WWOX: variants seen among roughly 807,000 people sequenced by gnomAD.
The protein encoded by WWOX is WW domain-containing oxidoreductase.
In WWOX, 69 loss-of-function variants were observed where a neutral mutation model predicts 46.2. The ratio of observed to expected loss-of-function variants is 1.49; its 90% CI spans 1.23 to 1.82. WWOX has a LOEUF of 1.82. WWOX is among the 40% of genes most tolerant of loss of function. WWOX has a pLI of 0.00. For missense variants in WWOX, 919 were observed against 542.6 expected (o/e 1.69, Z -6.89); for synonymous variants, 359 against 202.6 (o/e 1.77, Z -6.56).
chr16:78,498,214 A>AAAAG (rs771142388), intron 8 of WWOX, among the ~76,000 whole-genome samples: 2 of 128,192 alleles, frequency 1.6e-5, no homozygotes, highest in Non-Finnish European at 3.2e-5. Context: ...CAAAAAAAAA[A>AAAAG]AAAAGAAAAA....
rs181333461 is a variant in WWOX, at chr16:79,067,030, C to T, written c.1057-144578C>T. ...CACAGTTAAGTGCTCTGTTGAAGGA[C>T]GGCTCTGGAAGGGAGCATCCGCGAA... On this transcript the variant is annotated intron_variant, in intron 8 of 8. Transcript: ENST00000566780. 2.9e-3 allele frequency among the ~76,000 whole-genome samples: 443 copies of T among 152,208 alleles called. 3 individuals are homozygous for T. Among genetic ancestry groups the T allele is most frequent in the Admixed American group, 0.016 (247 of 15,300 alleles).
At chr16:78,915,630 T>C (rs2045231298) in intron 8 of WWOX, among the ~76,000 whole-genome samples, 1 of 152,090 alleles carries the variant, frequency 6.6e-6, no homozygotes, top group African/African-American at 2.4e-5. Flanking sequence ...GTGTTATCAG[T>C]CATTGACTCA....
intron 8 of WWOX, among the ~76,000 whole-genome samples, chr16:79,135,724 T>C (rs2049970172): frequency 6.6e-6 from 1 of 152,196 alleles, no homozygotes; most frequent in South Asian, 2.1e-4. Context: ...TGATTTGGAG[T>C]ATTACCATTT....
intron 8 of WWOX, among the ~76,000 whole-genome samples, chr16:78,593,355 T>G (rs1357432443): frequency 6.6e-6 from 1 of 152,166 alleles, no homozygotes; most frequent in East Asian, 1.9e-4. Context: ...TACTGATATT[T>G]TATTGTCCTA....
intron 5 of WWOX, among the ~76,000 whole-genome samples, chr16:78,309,010 A>G (rs1250493582): frequency 6.6e-6 from 1 of 152,164 alleles, no homozygotes; most frequent in East Asian, 1.9e-4. Context: ...TGGTTTGGCT[A>G]CATCCCCACC....
intron 8 of WWOX, among the ~76,000 whole-genome samples, chr16:78,510,874 A>G (rs768109600): frequency 1.3e-5 from 2 of 152,202 alleles, no homozygotes; most frequent in African/African-American, 4.8e-5. Context: ...GACCTGTGCA[A>G]TGCACCTGCT....
At chr16:78,670,699 A>G (rs1055989401) in intron 8 of WWOX, among the ~76,000 whole-genome samples, 1 of 152,056 alleles carries the variant, frequency 6.6e-6, no homozygotes, top group African/African-American at 2.4e-5. Flanking sequence ...AAAAACAGAG[A>G]TAGAGTCTTG....
At chr16:78,444,944 TG>T (rs1435062378) in intron 8 of WWOX, among the ~76,000 whole-genome samples, 1 of 152,220 alleles carries the variant, frequency 6.6e-6, no homozygotes, top group Non-Finnish European at 1.5e-5. Flanking sequence ...TTGGAATGAC[TG>T]GCCTAGAAAA....
chr16:79,200,529 C>T (rs1453114362), intron 8 of WWOX, among the ~76,000 whole-genome samples: 2 of 152,302 alleles, frequency 1.3e-5, no homozygotes, highest in South Asian at 2.1e-4. Context: ...ACTACAATAA[C>T]ACCTGCCTGG....
intron 8 of WWOX, among the ~76,000 whole-genome samples, chr16:78,841,092 C>G (rs895861656): frequency 6.6e-6 from 1 of 152,108 alleles, no homozygotes; most frequent in African/African-American, 2.4e-5. Flanking sequence ...CCCAGACATT[C>G]ATTTCGGTAA....
intron 8 of WWOX, among the ~76,000 whole-genome samples, chr16:78,827,154 T>C (rs1348271770): frequency 6.6e-6 from 1 of 151,964 alleles, no homozygotes. Flanking sequence ...ATTTAGCTGT[T>C]CCCCCAACTG....
chr16:78,512,660 C>G (rs2151488441), intron 8 of WWOX, among the ~76,000 whole-genome samples: 1 of 152,220 alleles, frequency 6.6e-6, no homozygotes, highest in Non-Finnish European at 1.5e-5. Context: ...GGTGGGACTT[C>G]AATGAGACTC....
intron 8 of WWOX, among the ~76,000 whole-genome samples, chr16:78,653,364 A>C (rs1233090014): frequency 1.3e-5 from 2 of 152,336 alleles, no homozygotes; most frequent in East Asian, 3.9e-4. Flanking sequence ...CTTTTTGTAA[A>C]AGTAATCAGA....
chr16:78,736,335 C>T (rs2049091365), intron 8 of WWOX, among the ~76,000 whole-genome samples: 1 of 152,060 alleles, frequency 6.6e-6, no homozygotes, highest in South Asian at 2.1e-4. Context: ...GCAAGGTGGA[C>T]AAGGATGCCA....
intron 8 of WWOX, among the ~76,000 whole-genome samples, chr16:79,071,571 G>T (rs1014596468): frequency 1.3e-5 from 2 of 152,170 alleles, no homozygotes; most frequent in Non-Finnish European, 2.9e-5. Flanking sequence ...CCTAAGAAAG[G>T]CTTCACTGGC....
intron 8 of WWOX, chr16:78,691,278 T>C: frequency 1.4e-6 from 1 of 702,224 alleles, no homozygotes; most frequent in Non-Finnish European, 2.6e-6. Flanking sequence ...TCACTTCTGA[T>C]TGTCAGTGAC....
At chr16:78,201,564 A>G (rs1392552959) in intron 5 of WWOX, among the ~76,000 whole-genome samples, 1 of 152,140 alleles carries the variant, frequency 6.6e-6, no homozygotes, top group Non-Finnish European at 1.5e-5. Flanking sequence ...AGAGAGTCCT[A>G]CCTCAGCCAT....
In WWOX at chr16:78,349,658, A is replaced by G. The variant is rs1302163304; in HGVS notation, c.517-37202A>G. Among the ~76,000 whole-genome samples, 2 of 119,984 alleles carry G rather than the reference A, an allele frequency of 1.7e-5. 1 individual carries two copies. Among genetic ancestry groups the G allele is most frequent in the Non-Finnish European group, 4.0e-5 (2 of 50,380 alleles). 78.7% of individuals were successfully genotyped at this position (119,984 alleles called of 152,430 possible). A position where few individuals can be genotyped will look rare whatever the true frequency, so the allele number is the denominator to read the frequency against. ...AGCCCTAATGGTGCACCCTTCCGAC[A>G]ATCCTTCATCCTTCCCAGACGTTTC... is the stretch of plus-strand genomic sequence containing the variant. On this transcript the variant is annotated intron_variant, in intron 5 of 8. Coordinates refer to ENST00000566780, the MANE Select transcript of WWOX (RefSeq NM_016373.4).
intron 8 of WWOX, among the ~76,000 whole-genome samples, chr16:79,180,731 C>T (rs1264406353): frequency 6.6e-6 from 1 of 152,148 alleles, no homozygotes; most frequent in Non-Finnish European, 1.5e-5. Context: ...CCCTGTCTAT[C>T]TGTCTGTGTA....
Sources: gnomAD v4.1 joint callset for allele counts (sites outside exome capture counted in the v4.1 genomes callset) on GRCh38, gnomAD v4.1.1 for gene constraint, MANE v1.5 for transcripts, NCBI Gene and HGNC (gene_info 2026-07-23, HGNC 2026-07-21) for gene names.